CBY3: variants seen among roughly 807,000 people sequenced by gnomAD.
The protein encoded by CBY3 is sperm annulus positioning complex subunit Chibby3.
A neutral mutation model predicts 3.0 loss-of-function variants in CBY3; 7 were observed. That is an observed-to-expected ratio of 2.32 (90% confidence interval 1.32 to 4.35). The LOEUF is 4.35. CBY3 is among the 30% of genes most tolerant of loss of function. The pLI is 0.00. For synonymous variants in CBY3, 170 were observed against 154.5 expected (o/e 1.10, Z -0.74); for missense variants, 400 against 336.4 (o/e 1.19, Z -1.48).
chr5:179,679,308 C>T, intron 1 of CBY3, 43 bp from the exon 2 acceptor site: 1 of 1,443,386 alleles, frequency 6.9e-7, no homozygotes, highest in Non-Finnish European at 9.1e-7. Flanking sequence ...TTGGTACAGG[C>T]CGCCTCTCAA....
Position 179,678,984 on chromosome 5 carries a change from T to G in CBY3, c.328A>C (p.Asn110His), listed in dbSNP as rs1348323300. 1 of 1,535,898 alleles carries G rather than the reference T, an allele frequency of 6.5e-7. No homozygotes were observed. Among genetic ancestry groups the G allele is most frequent in the South Asian group, 1.2e-5 (1 of 83,986 alleles). The change falls in exon 2 of 2, where the codon AAC becomes CAC. Residue 110 changes from asparagine to histidine, a missense_variant. By Grantham distance (68) the Asn-to-His change is moderately conservative. Coordinates refer to ENST00000376974, the MANE Select transcript of CBY3 (RefSeq NM_001164444.2). ...AGGCCCAGCTCGGCCTGGCGCGTGTTGTGGTCCAGCAGGTAGAAGGTGGAC... is the reference window on the plus strand; with the variant it reads ...AGGCCCAGCTCGGCCTGGCGCGTGTGGTGGTCCAGCAGGTAGAAGGTGGAC... ...SLSTFYLLDHNTRQAELGLAY... is the reference protein window; with the variant it reads ...SLSTFYLLDHHTRQAELGLAY...
chr5:179,679,570 G>A (rs1393363818), intron 1 of CBY3, among the ~76,000 whole-genome samples: 2 of 152,192 alleles, frequency 1.3e-5, no homozygotes, highest in Non-Finnish European at 2.9e-5. Flanking sequence ...AAGTAAGTAG[G>A]TACTTAAAGG....
At position 179,679,021 on chromosome 5, in the gene CBY3, G is replaced by A. The variant is rs1287349352; in HGVS notation, c.291C>T (p.Arg97=). The part of the protein sequence containing the change: ...PFSPRRPPLR[R]MPSLSTFYLL... ...GGTAGAAGGTGGACAGGGAGGGCATGCGGCGCAGTGGCGGCCGCCGTGGCG... is the reference window on the plus strand; with the variant it reads ...GGTAGAAGGTGGACAGGGAGGGCATACGGCGCAGTGGCGGCCGCCGTGGCG... The change falls in exon 2 of 2, where the codon CGC becomes CGT. Residue 97 remains arginine, a synonymous_variant. Transcript: ENST00000376974. 6.5e-7 allele frequency: 1 copy of A among 1,535,490 alleles called. No homozygotes were observed. The highest frequency in any genetic ancestry group is 2.4e-5 in the East Asian group (1 of 40,896).
Position 179,679,198 on chromosome 5 carries a change from A to T in CBY3, c.114T>A (p.Ser38Arg), listed in dbSNP as rs1775986309. 6.5e-7 allele frequency: 1 copy of T among 1,534,124 alleles called. No individual in the cohort carries two copies. The highest frequency in any genetic ancestry group is 1.4e-5 in the African/African-American group (1 of 72,884). ...AAGGGGAGCCTCGGGAGCGCTGGCG[A>T]CTCGTGCTGCGCTCTTGTCTCGGGA... ...SGLPRQERST[S>R]RQRSRGSPSS... is the part of the protein sequence containing the mutation. The change falls in exon 2 of 2, where the codon AGT becomes AGA. Residue 38 changes from serine to arginine, a missense_variant. Ser to Arg is a moderately radical substitution (Grantham distance 110). Transcript: ENST00000376974.
At chr5:179,680,101 G>A (rs1343683164) in intron 1 of CBY3, among the ~76,000 whole-genome samples, 2 of 151,414 alleles carry the variant, frequency 1.3e-5, no homozygotes, top group Non-Finnish European at 2.9e-5. Context: ...GTGAGCCACT[G>A]TACCCGGCAG....
chr5:179,678,565 A>G lies in CBY3; in HGVS notation c.*18T>C, dbSNP rs1467682712. Reference sequence around the variant, plus strand: ...CCCGAGGCGTGAGGCGCGCATGCGTAGCGCGGCCTTTATTGCGTCACTGCG... The same window carrying G: ...CCCGAGGCGTGAGGCGCGCATGCGTGGCGCGGCCTTTATTGCGTCACTGCG... On this transcript the variant is annotated 3_prime_UTR_variant, in exon 2 of 2. Transcript: ENST00000376974. 1 of 1,470,994 alleles carries G rather than the reference A, an allele frequency of 6.8e-7. No individual in the cohort carries two copies. The highest frequency in any genetic ancestry group is 2.3e-5 in the Admixed American group (1 of 42,900). The allele number at this position is 1,470,994 out of a possible 1,614,324, so 91.1% of individuals were successfully genotyped here.
chr5:179,679,046 G>T lies in CBY3; in HGVS notation c.266C>A (p.Ser89Ter). The change falls in exon 2 of 2, where the codon TCG becomes TAG. Residue 89 changes from serine (S) to a stop codon, truncating the protein, a stop_gained. Transcript: ENST00000376974. LOFTEE classifies it low-confidence loss of function (END_TRUNC). The part of the protein sequence containing the change: ...FWADHISRPF[S>*]PRRPPLRRMP... ...GCGGCGCAGTGGCGGCCGCCGTGGCGAGAAGGGCCGCGAGATGTGATCGGC... is the reference window on the plus strand; with the variant it reads ...GCGGCGCAGTGGCGGCCGCCGTGGCTAGAAGGGCCGCGAGATGTGATCGGC... The T allele has an allele frequency of 6.5e-7, 1 of 1,534,532 alleles. No individual in the cohort carries two copies. Among genetic ancestry groups the T allele is most frequent in the Non-Finnish European group, 8.7e-7 (1 of 1,145,880 alleles).
rs531243590 is a variant in CBY3, at chr5:179,678,973, C to T, written c.339G>A (p.Gln113=). The T allele has an allele frequency of 8.5e-6, 13 of 1,535,942 alleles. No homozygotes were observed. The African/African-American group carries it at 1.4e-4, about 16-fold the overall frequency. Residue 113 remains glutamine, a synonymous_variant, in exon 2 of 2, where the codon CAG becomes CAA. Transcript: ENST00000376974. ...CGCCGTAGGCGAGGCCCAGCTCGGC[C>T]TGGCGCGTGTTGTGGTCCAGCAGGT... ...TFYLLDHNTR[Q]AELGLAYGAP...
chr5:179,678,758 A>G lies in CBY3; in HGVS notation c.554T>C (p.Leu185Pro), dbSNP rs1775969271. 1.3e-6 allele frequency: 2 copies of G among 1,537,088 alleles called. No individual in the cohort carries two copies. The highest frequency in any genetic ancestry group is 2.4e-5 in the East Asian group (1 of 40,912). The change falls in exon 2 of 2, where the codon CTG becomes CCG. Residue 185 changes from leucine to proline, a missense_variant. By Grantham distance (98) the Leu-to-Pro change is moderately conservative (BLOSUM62 -3). Coordinates refer to ENST00000376974, the MANE Select transcript of CBY3 (RefSeq NM_001164444.2). ...ENNYLKLQQE[L>P]LIDMLTETMA... ...GGTCTCAGTCAGCATGTCTATGAGC[A>G]GTTCCTGCTGCAGCTTCAGGTAGTT... is the stretch of plus-strand genomic sequence containing the variant.
In CBY3 at chr5:179,680,302, T is replaced by C. The variant is rs1776029750; in HGVS notation, c.46+571A>G. 2.0e-5 allele frequency among the ~76,000 whole-genome samples: 3 copies of C among 152,128 alleles called. No individual in the cohort carries two copies. The South Asian group carries it at 6.2e-4, about 32-fold the overall frequency. On this transcript the variant is annotated intron_variant, in intron 1 of 1. Coordinates refer to ENST00000376974, the MANE Select transcript of CBY3 (RefSeq NM_001164444.2). Reference sequence around the variant, plus strand: ...AGGATTAGAAAGCCGGGGTTAGATCTGGATTCTGAAAGCAATCTGGGAGGA... The same window carrying C: ...AGGATTAGAAAGCCGGGGTTAGATCCGGATTCTGAAAGCAATCTGGGAGGA...
At chr5:179,679,347 C>T in intron 1 of CBY3, 82 bp from the exon 2 acceptor site, 3 of 1,199,402 alleles carry the variant, frequency 2.5e-6, no homozygotes, top group East Asian at 2.6e-5. Context: ...ATGTCTTAGC[C>T]CTGCAGCTAC....
chr5:179,679,803 C>T lies in CBY3; in HGVS notation c.47-538G>A, dbSNP rs563868506. Among the ~76,000 whole-genome samples, 9 of 152,006 alleles carry T rather than the reference C, an allele frequency of 5.9e-5. No individual in the cohort carries two copies. In the East Asian group the frequency reaches 1.5e-3, roughly 26 times the overall value. On this transcript the variant is annotated intron_variant, in intron 1 of 1. Transcript: ENST00000376974. ...CCTCTTGAGTAGCTGAGATTACAGGCGCCTGCCATCACCCCCACCTGATTT... is the reference window on the plus strand; with the variant it reads ...CCTCTTGAGTAGCTGAGATTACAGGTGCCTGCCATCACCCCCACCTGATTT...
intron 1 of CBY3, among the ~76,000 whole-genome samples, chr5:179,680,469 C>T (rs890058534): frequency 1.3e-5 from 2 of 152,112 alleles, no homozygotes; most frequent in African/African-American, 4.8e-5. Context: ...GCTCCTAATC[C>T]AGCTTGGAAG....
At chr5:179,679,370 G>T (rs1775994561) in intron 1 of CBY3, 105 bp from the exon 2 acceptor site, 1 of 1,001,664 alleles carries the variant, frequency 1.0e-6, no homozygotes, top group Non-Finnish European at 1.4e-6. Context: ...CTGCGGCTGT[G>T]TCTCACCAGC....
Position 179,678,845 on chromosome 5 carries a change from G to A in CBY3, c.467C>T (p.Thr156Ile), listed in dbSNP as rs1581806962. 6.5e-7 allele frequency: 1 copy of A among 1,536,868 alleles called. No homozygotes were observed. Among genetic ancestry groups the A allele is most frequent in the Non-Finnish European group, 8.7e-7 (1 of 1,146,678 alleles). ...CACCTGCGCCTTCCAGCCCCAGGCG[G>A]TCCGCGAGAGCAGCGGCGACCGCGT... is the stretch of plus-strand genomic sequence containing the variant. ...ARTRSPLLSR[T>I]AWGWKAQVQR... Residue 156 changes from threonine to isoleucine, a missense_variant, in exon 2 of 2, where the codon ACC becomes ATC. Thr to Ile is a moderately conservative substitution (Grantham distance 89). Coordinates refer to ENST00000376974, the MANE Select transcript of CBY3 (RefSeq NM_001164444.2).
rs1167404870 is a variant in CBY3, at chr5:179,679,115, G to A, written c.197C>T (p.Thr66Met). 4.6e-6 allele frequency: 7 copies of A among 1,535,546 alleles called. No individual in the cohort carries two copies. The highest frequency in any genetic ancestry group is 3.6e-5 in the South Asian group (3 of 84,036). ...HALATFECSA[T>M]SHASRLWQTL... ...CTGCCACAGGCGGCTGGCATGGCTC[G>A]TAGCCGAGCACTCGAAGGTTGCCAG... Residue 66 changes from threonine (T) to methionine (M), a missense_variant, in exon 2 of 2, where the codon ACG becomes ATG. By Grantham distance (81) the Thr-to-Met change is moderately conservative. Transcript: ENST00000376974.
At position 179,680,925 on chromosome 5, in the gene CBY3, C is replaced by G; in HGVS notation, c.-7G>C. Reference sequence around the variant, plus strand: ...GGTCTCTGGAAGCCCACATCCAGGCCCACCCTTGAGATTGTATCTTCTCGG... The same window carrying G: ...GGTCTCTGGAAGCCCACATCCAGGCGCACCCTTGAGATTGTATCTTCTCGG... On this transcript the variant is annotated 5_prime_UTR_variant, in exon 1 of 2. Coordinates refer to ENST00000376974, the MANE Select transcript of CBY3 (RefSeq NM_001164444.2). 1 of 1,536,290 alleles carries G rather than the reference C, an allele frequency of 6.5e-7. No individual in the cohort carries two copies. Among genetic ancestry groups the G allele is most frequent in the Non-Finnish European group, 8.7e-7 (1 of 1,146,514 alleles).
At position 179,678,598 on chromosome 5, in the gene CBY3, A is replaced by G. The variant is rs894515132; in HGVS notation, c.714T>C (p.Ala238=). The change falls in exon 2 of 2, where the codon GCT becomes GCC. Residue 238 remains alanine, a synonymous_variant. Coordinates refer to ENST00000376974, the MANE Select transcript of CBY3 (RefSeq NM_001164444.2). The part of the protein sequence containing the change: ...SAGVLMIQPC[A]LDSQ ...CTTTATTGCGTCACTGCGAGTCCAG[A>G]GCGCACGGCTGGATCATGAGCACGC... 7.3e-6 allele frequency: 11 copies of G among 1,516,040 alleles called. No individual in the cohort carries two copies. The African/African-American group carries it at 9.7e-5, about 13-fold the overall frequency. 93.9% of individuals were successfully genotyped at this position (1,516,040 alleles called of 1,614,324 possible). A position where few individuals can be genotyped will look rare whatever the true frequency, so the allele number is the denominator to read the frequency against.
Position 179,679,168 on chromosome 5 carries a change from G to T in CBY3, c.144C>A (p.Ser48Arg), listed in dbSNP as rs1461187293. The T allele has an allele frequency of 2.0e-6, 3 of 1,535,342 alleles. No homozygotes were observed. The South Asian group carries it at 3.6e-5, about 18-fold the overall frequency. Residue 48 changes from serine (S) to arginine (R), a missense_variant, in exon 2 of 2, where the codon AGC becomes AGA. Coordinates refer to ENST00000376974, the MANE Select transcript of CBY3 (RefSeq NM_001164444.2). The part of the protein sequence containing the change: ...SRQRSRGSPS[S>R]TCVPYKVHAL... Reference sequence around the variant, plus strand: ...CGTGGACCTTGTAGGGCACGCAGGTGCTCGAAGGGGAGCCTCGGGAGCGCT... The same window carrying T: ...CGTGGACCTTGTAGGGCACGCAGGTTCTCGAAGGGGAGCCTCGGGAGCGCT...
Sources: allele counts gnomAD v4.1 joint callset (sites outside exome capture counted in the v4.1 genomes callset), GRCh38; gene constraint gnomAD v4.1.1; transcripts MANE v1.5; gene names NCBI Gene and HGNC (gene_info 2026-07-23, HGNC 2026-07-21).